ARHGAP39: variants seen among roughly 807,000 people sequenced by gnomAD.
ARHGAP39 encodes the protein rho GTPase-activating protein 39.
In ARHGAP39, 44 loss-of-function variants were observed where a neutral mutation model predicts 106.9. That is an observed-to-expected ratio of 0.41 (90% CI 0.32 to 0.53). The LOEUF (loss-of-function observed/expected upper bound fraction) is 0.53. Ranked by LOEUF, ARHGAP39 falls within the 20% of genes least tolerant of loss-of-function variation. The probability of loss-of-function intolerance (pLI) is 0.21; values close to 1 mark genes in which losing one functional copy is unlikely to be tolerated. For synonymous variants in ARHGAP39, 768 were observed against 693.2 expected, an observed-to-expected ratio of 1.11 and a Z score of -1.69; for missense variants, 1,496 against 1,577.3, an observed-to-expected ratio of 0.95 and a Z score of 0.87.
At position 144,533,196 on chromosome 8, in the gene ARHGAP39, G is replaced by A; in HGVS notation, c.2818C>T (p.Pro940Ser). 1 of 1,612,352 alleles carries A rather than the reference G, an allele frequency of 6.2e-7. No individual in the cohort carries two copies. Among genetic ancestry groups the A allele is most frequent in the Non-Finnish European group, 8.5e-7 (1 of 1,179,900 alleles). ...TCAGAGAGCCGTGTCTGCACCCAGG[G>A]CAGCTGGCGCTCGGGGTAGCGCTCT... is the stretch of plus-strand genomic sequence containing the variant. Reference protein sequence around the residue: ...QRERYPERQLPWVQTRLSEEV... With the variant: ...QRERYPERQLSWVQTRLSEEV... Residue 940 changes from proline (P) to serine (S), a missense_variant, in exon 9 of 12, where the codon CCC becomes TCC. Transcript: ENST00000377307.
At chr8:144,653,555 C>T (rs748820921) in intron 1 of ARHGAP39, among the ~76,000 whole-genome samples, 10 of 152,190 alleles carry the variant, frequency 6.6e-5, no homozygotes, top group Non-Finnish European at 1.5e-4. Flanking sequence ...CCCACAAACA[C>T]TGGCCATCAG....
In ARHGAP39 at chr8:144,532,387, C is replaced by T. The variant is rs770273101; in HGVS notation, c.2898G>A (p.Gly966=). 1.2e-6 allele frequency: 2 copies of T among 1,601,386 alleles called. No individual in the cohort carries two copies. Among genetic ancestry groups the T allele is most frequent in the East Asian group, 2.3e-5 (1 of 44,016 alleles). The change falls in exon 10 of 12, where the codon GGG becomes GGA. Residue 966 remains glycine (G), a synonymous_variant. Transcript: ENST00000377307. ...DQTEGIFRVP[G]DIDEVNALKL... is the part of the protein sequence containing the mutation. ...TCAGGGCATTCACCTCGTCAATGTC[C>T]CCAGGGACCCTGCAGGGCACAGGGC...
intron 10 of ARHGAP39, among the ~76,000 whole-genome samples, chr8:144,531,197 G>T (rs1428637634): frequency 6.8e-6 from 1 of 147,632 alleles, no homozygotes; most frequent in African/African-American, 2.5e-5. Flanking sequence ...GCAGAGAGCA[G>T]CAGGTGGGGA....
chr8:144,699,126 C>T, the ARHGAP39 span: 1 of 312,034 alleles, frequency 3.2e-6, no homozygotes, highest in Non-Finnish European at 6.3e-6. Context: ...CTGGGCGATG[C>T]AGGGGGTGGG....
intron 1 of ARHGAP39, among the ~76,000 whole-genome samples, chr8:144,614,346 C>T (rs1316127515): frequency 2.0e-5 from 3 of 150,564 alleles, no homozygotes; most frequent in South Asian, 4.2e-4. Context: ...TTTTGTGTTC[C>T]TGTTACTATT....
At chr8:144,685,966 G>C (rs1246676176), upstream of ARHGAP39, among the ~76,000 whole-genome samples, 1 of 151,236 alleles carries the variant, frequency 6.6e-6, no homozygotes, top group South Asian at 2.1e-4. Flanking sequence ...GCATGCGCTG[G>C]CGCGCGGCAT....
intron 2 of ARHGAP39, among the ~76,000 whole-genome samples, chr8:144,603,018 C>G (rs376009812): frequency 1.8e-5 from 2 of 114,058 alleles, no homozygotes. Flanking sequence ...TGTGCGAGCT[C>G]ATGTATCTGT....
intron 1 of ARHGAP39, among the ~76,000 whole-genome samples, chr8:144,612,800 C>T (rs1421788734): frequency 6.6e-6 from 1 of 152,194 alleles, no homozygotes; most frequent in Non-Finnish European, 1.5e-5. Flanking sequence ...GTGAAGTGAG[C>T]CACGGCTGCA....
At position 144,547,914 on chromosome 8, in the gene ARHGAP39, C is replaced by T; in HGVS notation, c.1172G>A (p.Gly391Asp). ...RFLSLEYSPA[G>D]KEYVRQLVYV... ...GACCAGCTGCCGCACGTACTCCTTGCCGGCGGGACTGTACTCCAGGCTCAG... is the reference window on the plus strand; with the variant it reads ...GACCAGCTGCCGCACGTACTCCTTGTCGGCGGGACTGTACTCCAGGCTCAG... The change falls in exon 5 of 12, where the codon GGC becomes GAC. Residue 391 changes from glycine (G) to aspartate (D), a missense_variant. By Grantham distance (94) the Gly-to-Asp change is moderately conservative. Transcript: ENST00000377307. This position sits in a 1 kb window ranked among gnomAD's most constrained non-coding sequence, Gnocchi z 5.2. The T allele has an allele frequency of 6.3e-7, 1 of 1,583,950 alleles. No homozygotes were observed. The highest frequency in any genetic ancestry group is 8.6e-7 in the Non-Finnish European group (1 of 1,165,580).
intron 1 of ARHGAP39, among the ~76,000 whole-genome samples, chr8:144,667,307 T>A (rs1821988925): frequency 6.6e-6 from 1 of 152,170 alleles, no homozygotes; most frequent in African/African-American, 2.4e-5. Context: ...TCCCTCTGCC[T>A]GCACTCCTTC....
At chr8:144,537,222 C>T (rs1223106180) in intron 7 of ARHGAP39, among the ~76,000 whole-genome samples, 4 of 152,048 alleles carry the variant, frequency 2.6e-5, no homozygotes, top group African/African-American at 9.7e-5. Context: ...AGCCCTCCCC[C>T]TGCTTCTGGG....
At chr8:144,589,922 C>T (rs1298167073) in intron 2 of ARHGAP39, among the ~76,000 whole-genome samples, 3 of 152,222 alleles carry the variant, frequency 2.0e-5, no homozygotes, top group African/African-American at 7.2e-5. Flanking sequence ...GGCTGAGATG[C>T]GTGGGAGCCC....
At chr8:144,686,686 C>T (rs926330549), upstream of ARHGAP39, among the ~76,000 whole-genome samples, 2 of 152,306 alleles carry the variant, frequency 1.3e-5, no homozygotes, top group Middle Eastern at 3.4e-3. Context: ...TCTCGCCGCC[C>T]GCGCTTCCCT....
rs1256932460 is a variant in ARHGAP39, at chr8:144,548,296, T to C, written c.790A>G (p.Thr264Ala). 6.2e-7 allele frequency: 1 copy of C among 1,608,770 alleles called. No individual in the cohort carries two copies. The highest frequency in any genetic ancestry group is 8.5e-7 in the Non-Finnish European group (1 of 1,177,478). Residue 264 changes from threonine to alanine, a missense_variant, in exon 5 of 12, where the codon ACC becomes GCC. By Grantham distance (58) the Thr-to-Ala change is moderately conservative. Coordinates refer to ENST00000377307, the MANE Select transcript of ARHGAP39 (RefSeq NM_025251.3). The surrounding 1 kb of genome is among the most constrained non-coding windows in gnomAD (Gnocchi z 7.4). ...GGCCTCCTCTCTGGGAAGAAGATGGTGCCGTCAGCCTCCGGGGCGAAGGTC... is the reference window on the plus strand; with the variant it reads ...GGCCTCCTCTCTGGGAAGAAGATGGCGCCGTCAGCCTCCGGGGCGAAGGTC... Reference protein sequence around the residue: ...LQTFAPEADGTIFFPERRPSP... With the variant: ...LQTFAPEADGAIFFPERRPSP...
intron 1 of ARHGAP39, among the ~76,000 whole-genome samples, chr8:144,669,424 G>A (rs1339098402): frequency 1.4e-5 from 2 of 140,046 alleles, no homozygotes; most frequent in African/African-American, 2.7e-5. Context: ...GGAGAATAGC[G>A]TGAACCCAGG....
intron 1 of ARHGAP39, among the ~76,000 whole-genome samples, chr8:144,673,584 T>C (rs1014996969): frequency 6.6e-6 from 1 of 152,242 alleles, no homozygotes; most frequent in Non-Finnish European, 1.5e-5. Context: ...TTTCTATCTC[T>C]ACAGATTCAC....
intron 1 of ARHGAP39, among the ~76,000 whole-genome samples, chr8:144,613,899 G>C (rs1820562179): frequency 6.6e-6 from 1 of 152,138 alleles, no homozygotes; most frequent in Non-Finnish European, 1.5e-5. Flanking sequence ...ATAATTGTTA[G>C]GCCTCTGAAA....
intron 1 of ARHGAP39, among the ~76,000 whole-genome samples, chr8:144,630,524 T>C (rs899999552): frequency 6.6e-6 from 1 of 152,248 alleles, no homozygotes; most frequent in Non-Finnish European, 1.5e-5. Context: ...ACATGCATGG[T>C]GTCCCCTCTG....
Position 144,684,444 on chromosome 8 carries a change from C to T in ARHGAP39, c.-82+1242G>A, listed in dbSNP as rs1164058158. On this transcript the variant is annotated intron_variant, in intron 1 of 11. Coordinates refer to ENST00000377307, the MANE Select transcript of ARHGAP39 (RefSeq NM_025251.3). This position sits in a 1 kb window ranked among gnomAD's most constrained non-coding sequence, Gnocchi z 4.4. ...AAGACAAATCTCCGTATTGTTGTAC[C>T]AGGAGGCACGAGAAGCCTCACCACT... Among the ~76,000 whole-genome samples, 1 of 152,202 alleles carries T rather than the reference C, an allele frequency of 6.6e-6. No individual in the cohort carries two copies. Among genetic ancestry groups the T allele is most frequent in the Non-Finnish European group, 1.5e-5 (1 of 68,032 alleles).
Sources: allele counts gnomAD v4.1 joint callset (sites outside exome capture counted in the v4.1 genomes callset), GRCh38; gene constraint gnomAD v4.1.1; non-coding constraint Gnocchi (gnomAD v3.1); transcripts MANE v1.5; gene names NCBI Gene and HGNC (gene_info 2026-07-23, HGNC 2026-07-21).